The following EPB41L4A variants were observed in gnomAD, a reference collection of about 807,000 sequenced individuals.
EPB41L4A encodes band 4.1-like protein 4A.
In EPB41L4A, 100 loss-of-function variants were observed where a neutral mutation model predicts 108.6. That is an observed-to-expected ratio of 0.92 (90% CI 0.78 to 1.09). The LOEUF (loss-of-function observed/expected upper bound fraction) is 1.09. EPB41L4A is among the 50% of genes least tolerant of loss of function. The pLI is 0.00. For synonymous variants in EPB41L4A, 319 were observed against 289.0 expected (o/e 1.10, Z -1.05); for missense variants, 1,030 against 842.7 (o/e 1.22, Z -2.75).
At chr5:112,386,802 T>C (rs1003124094) in intron 1 of EPB41L4A, among the ~76,000 whole-genome samples, 1 of 152,178 alleles carries the variant, frequency 6.6e-6, no homozygotes, top group Admixed American at 6.5e-5. Context: ...ACTGAATAGA[T>C]GGAAAGGCAC....
intron 12 of EPB41L4A, among the ~76,000 whole-genome samples, chr5:112,233,061 A>T (rs1749067639): frequency 6.6e-6 from 1 of 152,214 alleles, no homozygotes; most frequent in Admixed American, 6.5e-5. Context: ...AAATCTGAAT[A>T]ACCCAAATAT....
At chr5:112,267,691 T>A (rs1374062381) in intron 4 of EPB41L4A, among the ~76,000 whole-genome samples, 1 of 152,204 alleles carries the variant, frequency 6.6e-6, no homozygotes, top group Non-Finnish European at 1.5e-5. Flanking sequence ...CTAACTGTTC[T>A]GCCATCACTC....
At chr5:112,197,297 T>C (rs1281426683) in intron 15 of EPB41L4A, among the ~76,000 whole-genome samples, 2 of 152,206 alleles carry the variant, frequency 1.3e-5, no homozygotes, top group African/African-American at 4.8e-5. Flanking sequence ...CCATGCTCCA[T>C]TTCCTTACAA....
intron 17 of EPB41L4A, 94 bp from the exon 18 acceptor site, chr5:112,184,229 C>G (rs1325872483): frequency 6.9e-7 from 1 of 1,439,820 alleles, no homozygotes; most frequent in Non-Finnish European, 9.5e-7. Context: ...ATTTAAGCAG[C>G]AGAAATTTTA....
rs1762525291 is a variant in EPB41L4A at position 112,207,419 on chromosome 5, A to C, written c.1179-1915T>G. Reference sequence around the variant, plus strand: ...CCAAAAGCAATTGCAACAAAACCAAAAATTGACAAGTGAGACTTTAAAGAG... The same window carrying C: ...CCAAAAGCAATTGCAACAAAACCAACAATTGACAAGTGAGACTTTAAAGAG... On this transcript the variant is annotated intron_variant, in intron 13 of 22. Coordinates refer to ENST00000261486, the MANE Select transcript of EPB41L4A (RefSeq NM_022140.5). Among the ~76,000 whole-genome samples the C allele has an allele frequency of 3.3e-5, 5 of 152,338 alleles. No individual in the cohort carries two copies. The South Asian group carries it at 1.0e-3, about 32-fold the overall frequency.
intron 4 of EPB41L4A, among the ~76,000 whole-genome samples, chr5:112,274,059 C>A (rs999143562): frequency 3.7e-4 from 56 of 151,490 alleles, no homozygotes; most frequent in Middle Eastern, 3.4e-3. Flanking sequence ...GAGGCCAAGG[C>A]AGGAGGATTG....
At position 112,351,357 on chromosome 5, in the gene EPB41L4A, G is replaced by A. The variant is rs538133965; in HGVS notation, c.100-43867C>T. On this transcript the variant is annotated intron_variant, in intron 1 of 22. Coordinates refer to ENST00000261486, the MANE Select transcript of EPB41L4A (RefSeq NM_022140.5). ...ATGAACAATAATAAGCTAACAAACT[G>A]GAAAACCTAGAGGAACTGGATAAAT... 3.9e-5 allele frequency among the ~76,000 whole-genome samples: 6 copies of A among 151,978 alleles called. No homozygotes were observed. In the East Asian group the frequency reaches 5.8e-4, roughly 15 times the overall value.
chr5:112,288,987 G>A lies in EPB41L4A; in HGVS notation c.205-8664C>T, dbSNP rs114610719. ...TTGGGAGGCCTTGGGAGGGATAAGT[G>A]CATTTTATATGTAAAAAGAATATAA... On this transcript the variant is annotated intron_variant, in intron 2 of 22. Coordinates refer to ENST00000261486, the MANE Select transcript of EPB41L4A (RefSeq NM_022140.5). Among the ~76,000 whole-genome samples, 308 of 152,236 alleles carry A rather than the reference G, an allele frequency of 2.0e-3. 2 individuals are homozygous for A. Among genetic ancestry groups the A allele is most frequent in the African/African-American group, 7.0e-3 (291 of 41,556 alleles).
At chr5:112,395,451 T>C (rs1438143876) in intron 1 of EPB41L4A, among the ~76,000 whole-genome samples, 1 of 152,180 alleles carries the variant, frequency 6.6e-6, no homozygotes, top group Non-Finnish European at 1.5e-5. Context: ...GAACAGACGC[T>C]TCTCAAAAGA....
intron 1 of EPB41L4A, chr5:112,363,341 T>C (rs382482): frequency 0.67 from 100,679 of 150,668 alleles, 33,734 homozygotes; most frequent in South Asian, 0.82. Flanking sequence ...AAAAAAATCA[T>C]GCCCAACACT....
At chr5:112,395,648 G>A (rs940088745) in intron 1 of EPB41L4A, among the ~76,000 whole-genome samples, 5 of 152,164 alleles carry the variant, frequency 3.3e-5, no homozygotes, top group Non-Finnish European at 7.4e-5. Flanking sequence ...ACTGTTGGTG[G>A]GGAATGTAAA....
intron 1 of EPB41L4A, among the ~76,000 whole-genome samples, chr5:112,406,523 G>A (rs1319701727): frequency 2.0e-5 from 3 of 152,016 alleles, no homozygotes; most frequent in Non-Finnish European, 4.4e-5. Flanking sequence ...CTTCCCTCGA[G>A]CAGAAGACAC....
chr5:112,383,346 T>A (rs564809568), intron 1 of EPB41L4A, among the ~76,000 whole-genome samples: 10 of 152,308 alleles, frequency 6.6e-5, no homozygotes, highest in African/African-American at 2.2e-4. Flanking sequence ...AAAAATAGCA[T>A]TTAAAACGTA....
chr5:112,240,501 T>A (rs999000564), intron 10 of EPB41L4A, among the ~76,000 whole-genome samples: 1 of 152,206 alleles, frequency 6.6e-6, no homozygotes, highest in African/African-American at 2.4e-5. Flanking sequence ...ATCAAAGATA[T>A]AACTGTATCT....
intron 2 of EPB41L4A, among the ~76,000 whole-genome samples, chr5:112,295,407 T>C (rs1272042285): frequency 1.6e-4 from 25 of 152,170 alleles, no homozygotes. Flanking sequence ...AAGAACTCAA[T>C]TCCCAGATTC....
intron 1 of EPB41L4A, among the ~76,000 whole-genome samples, chr5:112,369,074 G>A (rs759941959): frequency 2.6e-5 from 4 of 152,114 alleles, no homozygotes; most frequent in Non-Finnish European, 5.9e-5. Context: ...ATGGCTGTTT[G>A]GTTTCCATAG....
intron 2 of EPB41L4A, among the ~76,000 whole-genome samples, chr5:112,288,323 T>A (rs1753417337): frequency 6.6e-6 from 1 of 152,116 alleles, no homozygotes; most frequent in African/African-American, 2.4e-5. Flanking sequence ...CCACAAAAAC[T>A]TTTAGAAGAA....
chr5:112,207,732 C>T (rs1022689862), intron 13 of EPB41L4A, among the ~76,000 whole-genome samples: 4 of 152,152 alleles, frequency 2.6e-5, no homozygotes, highest in African/African-American at 4.8e-5. Context: ...GACACCATCT[C>T]CCCAGTCAGA....
At chr5:112,149,129 A>G (rs1005794693) in intron 12 of EPB41L4A, among the ~76,000 whole-genome samples, 20 of 152,164 alleles carry the variant, frequency 1.3e-4, no homozygotes, top group African/African-American at 4.8e-4. Context: ...TTTTAAACGA[A>G]CTACTGAATA....
Sources: gnomAD v4.1 joint callset for allele counts (sites outside exome capture counted in the v4.1 genomes callset) on GRCh38, gnomAD v4.1.1 for gene constraint, MANE v1.5 for transcripts, NCBI Gene and HGNC (gene_info 2026-07-23, HGNC 2026-07-21) for gene names.